The following CHN1 variants were observed in gnomAD, a reference collection of about 807,000 sequenced individuals.
CHN1 encodes the protein N-chimaerin.
In CHN1, 37 loss-of-function variants were observed where a neutral mutation model predicts 59.5. The observed-to-expected ratio is 0.62, with a 90% confidence interval of 0.48 to 0.82. CHN1 has a LOEUF of 0.82. CHN1 is among the 40% of genes least tolerant of loss of function. The pLI is 0.00. For synonymous variants in CHN1, 206 were observed against 200.4 expected (o/e 1.03, Z -0.24); for missense variants, 469 against 571.0 (o/e 0.82, Z 1.82).
At chr2:174,918,409 TAAGA>T (rs940064452) in intron 4 of CHN1, 121 bp downstream of exon 4, 1 of 632,352 alleles carries the variant, frequency 1.6e-6, no homozygotes, top group Non-Finnish European at 2.5e-6. Flanking sequence ...TTGAAATTTT[TAAGA>T]AATAAATGCA....
intron 5 of CHN1, among the ~76,000 whole-genome samples, chr2:174,914,847 A>C (rs1343109461): frequency 6.6e-6 from 1 of 151,084 alleles, no homozygotes; most frequent in Non-Finnish European, 1.5e-5. Flanking sequence ...CCATTCAAAA[A>C]AAAAAAAAAA....
At position 175,002,910 on chromosome 2, in the gene CHN1, T is replaced by A. The variant is rs191761928; in HGVS notation, c.19+1984A>T. ...AAAGGTAGTAAAATCTAAAATAAAA[T>A]CCATTTCTTCTAACCCTTAGGTACA... is the stretch of plus-strand genomic sequence containing the variant. On this transcript the variant is annotated intron_variant, in intron 1 of 12. Coordinates refer to ENST00000409900, the MANE Select transcript of CHN1 (RefSeq NM_001822.7). Among the ~76,000 whole-genome samples, 452 of 152,318 alleles carry A rather than the reference T, an allele frequency of 3.0e-3. 3 individuals carry two copies. The highest frequency in any genetic ancestry group is 3.8e-3 in the Non-Finnish European group (260 of 68,030).
At chr2:174,889,953 GAAT>G (rs770786185) in intron 5 of CHN1, among the ~76,000 whole-genome samples, 4 of 149,942 alleles carry the variant, frequency 2.7e-5, no homozygotes, top group Admixed American at 1.3e-4. Context: ...AATGAGAAGG[GAAT>G]CAAACCATAT....
intron 10 of CHN1, among the ~76,000 whole-genome samples, chr2:174,809,935 G>A (rs1422880140): frequency 6.6e-6 from 1 of 152,144 alleles, no homozygotes; most frequent in Non-Finnish European, 1.5e-5. Flanking sequence ...AATGGCAACT[G>A]CTGACCTCAG....
chr2:174,835,113 A>G (rs1233057953), intron 7 of CHN1, among the ~76,000 whole-genome samples: 1 of 152,172 alleles, frequency 6.6e-6, no homozygotes, highest in Non-Finnish European at 1.5e-5. Context: ...TCTACTTTTG[A>G]TATTTTCAAT....
At chr2:174,876,292 T>G (rs567631568) in intron 6 of CHN1, among the ~76,000 whole-genome samples, 56 of 152,262 alleles carry the variant, frequency 3.7e-4, no homozygotes, top group Non-Finnish European at 7.6e-4. Context: ...TTAACAAAGG[T>G]TTTCACTAGG....
At chr2:174,993,177 T>C (rs910799900) in intron 1 of CHN1, among the ~76,000 whole-genome samples, 1 of 151,330 alleles carries the variant, frequency 6.6e-6, no homozygotes, top group Non-Finnish European at 1.5e-5. Context: ...AATCCTGTTA[T>C]GTCAGTTTAG....
At chr2:174,974,501 G>C (rs897094774) in intron 1 of CHN1, among the ~76,000 whole-genome samples, 16 of 152,244 alleles carry the variant, frequency 1.1e-4, no homozygotes, top group East Asian at 7.7e-4. Flanking sequence ...GTCTGCAAGA[G>C]AGAATTATTT....
At chr2:174,910,193 C>A (rs1392577676) in intron 5 of CHN1, among the ~76,000 whole-genome samples, 1 of 151,870 alleles carries the variant, frequency 6.6e-6, no homozygotes, top group African/African-American at 2.4e-5. Flanking sequence ...TTCCAGTTTT[C>A]TTCTATAGTT....
rs564268210 is a variant in CHN1 at position 174,893,486 on chromosome 2, GATACTCATGTTTACAGGTTAGAAAACTTA to G, written c.261-15387_261-15359del. Among the ~76,000 whole-genome samples, 3 of 152,206 alleles carry G rather than the reference GATACTCATGTTTACAGGTTAGAAAACTTA, an allele frequency of 2.0e-5. 1 individual carries two copies. In the South Asian group the frequency reaches 6.2e-4, roughly 32 times the overall value. On this transcript the variant is annotated intron_variant, in intron 5 of 12. Coordinates refer to ENST00000409900, the MANE Select transcript of CHN1 (RefSeq NM_001822.7). Reference sequence around the variant, plus strand: ...TGAAGAAGACACAAATAAATGCGAAGATACTCATGTTTACAGGTTAGAAAACTTAATACTGTTAAAAATGTCCATACTAT... The same window carrying G: ...TGAAGAAGACACAAATAAATGCGAAGATACTGTTAAAAATGTCCATACTAT...
chr2:174,799,934 G>A lies in CHN1; in HGVS notation c.*182C>T, dbSNP rs1048964538. 1 of 691,240 alleles carries A rather than the reference G, an allele frequency of 1.4e-6. No individual in the cohort carries two copies. Among genetic ancestry groups the A allele is most frequent in the African/African-American group, 1.8e-5 (1 of 57,034 alleles). The allele number at this position is 691,240 out of a possible 1,614,324, so 42.8% of individuals were successfully genotyped here. A position where few individuals can be genotyped will look rare whatever the true frequency, so the allele number is the denominator to read the frequency against. The stretch of plus-strand genomic sequence containing the variant: ...CAGGATTACTAGAACCAGAAAGCGT[G>A]TGTTCACTGTTTTACAAGACAGCTG... On this transcript the variant is annotated 3_prime_UTR_variant, in exon 13 of 13. Transcript: ENST00000409900.
At chr2:174,847,761 G>A in intron 6 of CHN1, 1 of 396,312 alleles carries the variant, frequency 2.5e-6, no homozygotes, top group South Asian at 1.8e-5. Flanking sequence ...TAAGTTTCTT[G>A]CTGGCTCAAG....
At chr2:174,976,398 G>T (rs941061022) in intron 1 of CHN1, among the ~76,000 whole-genome samples, 1 of 151,686 alleles carries the variant, frequency 6.6e-6, no homozygotes, top group East Asian at 2.0e-4. Flanking sequence ...CCACCATGCC[G>T]GGCTAATTTT....
intron 8 of CHN1, among the ~76,000 whole-genome samples, chr2:174,819,007 CAT>C (rs1301988741): frequency 6.6e-6 from 1 of 151,940 alleles, no homozygotes; most frequent in Non-Finnish European, 1.5e-5. Context: ...TGTTTTGAAA[CAT>C]ATCTCGTTTT....
intron 6 of CHN1, among the ~76,000 whole-genome samples, chr2:174,870,772 T>C (rs938629422): frequency 4.6e-5 from 7 of 152,212 alleles, no homozygotes; most frequent in Admixed American, 4.6e-4. Context: ...CTCACCAAAA[T>C]AAAGACTTTG....
chr2:174,988,125 A>G (rs185215704), intron 1 of CHN1, among the ~76,000 whole-genome samples: 1,847 of 152,152 alleles, frequency 0.012, 34 homozygotes, highest in African/African-American at 0.036. Context: ...TTTGGGAGCC[A>G]AGGCGGGCGG....
At chr2:174,934,712 A>G (rs1207929706) in intron 3 of CHN1, among the ~76,000 whole-genome samples, 2 of 152,230 alleles carry the variant, frequency 1.3e-5, no homozygotes, top group African/African-American at 4.8e-5. Flanking sequence ...AGATAGCAAT[A>G]GGGTTGCAGT....
chr2:174,835,911 G>A (rs1170309789), intron 7 of CHN1, among the ~76,000 whole-genome samples: 8 of 152,122 alleles, frequency 5.3e-5, no homozygotes, highest in Non-Finnish European at 7.4e-5. Context: ...TTCAGCCATT[G>A]TTTAGCCTAT....
chr2:174,938,837 A>AT (rs1221346606), intron 3 of CHN1, among the ~76,000 whole-genome samples: 2 of 152,056 alleles, frequency 1.3e-5, no homozygotes, highest in Non-Finnish European at 2.9e-5. Context: ...GAACATGACT[A>AT]TTTTTTTGGA....
Sources: gnomAD v4.1 joint callset for allele counts (sites outside exome capture counted in the v4.1 genomes callset) on GRCh38, gnomAD v4.1.1 for gene constraint, MANE v1.5 for transcripts, NCBI Gene and HGNC (gene_info 2026-07-23, HGNC 2026-07-21) for gene names.